The following MBL2 variants were observed in gnomAD, a reference collection of about 807,000 sequenced individuals.
MBL2 encodes mannose binding lectin 2.
MBL2 carries 6 observed loss-of-function variants against 12.7 expected under a neutral mutation model. The observed-to-expected ratio is 0.47, with a 90% CI of 0.26 to 0.94. MBL2 has a LOEUF of 0.94. Ranked by LOEUF, MBL2 falls within the 40% of genes least tolerant of loss-of-function variation. The pLI, the probability that MBL2 is intolerant of heterozygous loss-of-function variation, is 0.15. For synonymous variants in MBL2, 114 were observed against 112.0 expected, an observed-to-expected ratio of 1.02 and a Z score of -0.11; for missense variants, 307 against 295.2, an observed-to-expected ratio of 1.04 and a Z score of -0.29.
rs1310731847 is a variant in MBL2 at position 52,767,357 on chromosome 10, T to C, written c.*780A>G. On this transcript the variant is annotated 3_prime_UTR_variant, in exon 5 of 5. Transcript: ENST00000674931. ...CATGACATGAATGAATCTCACAGAC[T>C]TAATTCTGAGTAAACAAGACATACA... is the stretch of plus-strand genomic sequence containing the variant. The C allele has an allele frequency of 6.6e-6, 1 of 152,054 alleles. No individual in the cohort carries two copies. The highest frequency in any genetic ancestry group is 1.5e-5 in the Non-Finnish European group (1 of 68,036). The allele number at this position is 152,054 out of a possible 1,614,324, so 9.4% of individuals were successfully genotyped here.
At chr10:52,771,949 C>T (rs35236971) in intron 1 of MBL2, among the ~76,000 whole-genome samples, 1,582 of 152,250 alleles carry the variant, frequency 0.01, 27 homozygotes, top group African/African-American at 0.036. Context: ...CAAATGGGAC[C>T]GTGCATTGCC....
chr10:52,770,390 G>A (rs1278410206), intron 3 of MBL2, among the ~76,000 whole-genome samples: 1 of 152,208 alleles, frequency 6.6e-6, no homozygotes, highest in African/African-American at 2.4e-5. Context: ...TAGGACCAGG[G>A]CCTCACATTA....
rs1840291865 is a variant in MBL2 at position 52,765,399 on chromosome 10, T to C, written c.*2738A>G. On this transcript the variant is annotated 3_prime_UTR_variant, in exon 5 of 5. Coordinates refer to ENST00000674931, the MANE Select transcript of MBL2 (RefSeq NM_001378373.1). ...ATAAAATGTGACTAAATGGAGTTTA[T>C]TCCATCAAAGCAAGGTTGATTTAAT... 1 of 152,226 alleles carries C rather than the reference T, an allele frequency of 6.6e-6. No individual in the cohort carries two copies. The highest frequency in any genetic ancestry group is 2.4e-5 in the African/African-American group (1 of 41,472). 9.4% of individuals were successfully genotyped at this position (152,226 alleles called of 1,614,324 possible).
rs371198386 is a variant in MBL2 at position 52,769,230 on chromosome 10, T to C, written c.373+17A>G. 3.2e-6 allele frequency: 5 copies of C among 1,580,402 alleles called. No homozygotes were observed. In the African/African-American group the frequency reaches 6.9e-5, roughly 22 times the overall value. ...CCCAAACTTCAAGCTGCCTGGAGAGTAAGAGAAAAAGCTTACACTTTTTGA... is the reference window on the plus strand; with the variant it reads ...CCCAAACTTCAAGCTGCCTGGAGAGCAAGAGAAAAAGCTTACACTTTTTGA... On this transcript the variant is annotated intron_variant, in intron 4 of 4. Transcript: ENST00000674931.
intron 4 of MBL2, 60 bp downstream of exon 4, chr10:52,769,187 T>C: frequency 8.8e-7 from 1 of 1,140,398 alleles, no homozygotes; most frequent in Non-Finnish European, 1.3e-6. Flanking sequence ...CAACAAATAT[T>C]TGTTGCATTC....
At position 52,766,006 on chromosome 10, in the gene MBL2, T is replaced by C. The variant is rs907035410; in HGVS notation, c.*2131A>G. On this transcript the variant is annotated 3_prime_UTR_variant, in exon 5 of 5. Transcript: ENST00000674931. ...AGAAAAAATATTTAAAATATATTATTAAAATCACTAAAACCACCAAAACAA... is the reference window on the plus strand; with the variant it reads ...AGAAAAAATATTTAAAATATATTATCAAAATCACTAAAACCACCAAAACAA... 5 of 152,120 alleles carry C rather than the reference T, an allele frequency of 3.3e-5. No individual in the cohort carries two copies. The highest frequency in any genetic ancestry group is 7.4e-5 in the Non-Finnish European group (5 of 68,008). 9.4% of individuals were successfully genotyped at this position (152,120 alleles called of 1,614,324 possible). A position where few individuals can be genotyped will look rare whatever the true frequency, so the allele number is the denominator to read the frequency against.
Position 52,770,801 on chromosome 10 carries a change from A to T in MBL2, c.188-15T>A. On this transcript the variant is annotated splice_polypyrimidine_tract_variant and intron_variant, in intron 2 of 4. Coordinates refer to ENST00000674931, the MANE Select transcript of MBL2 (RefSeq NM_001378373.1). The stretch of plus-strand genomic sequence containing the variant: ...GAGCCCTTGGCCTGTTGGAAGACAA[A>T]GGAAATGTGACTTAATATCTATGTT... The T allele has an allele frequency of 7.5e-7, 1 of 1,333,666 alleles. No individual in the cohort carries two copies. The highest frequency in any genetic ancestry group is 1.0e-6 in the Non-Finnish European group (1 of 1,001,214). The allele number at this position is 1,333,666 out of a possible 1,614,324, so 82.6% of individuals were successfully genotyped here.
Position 52,771,556 on chromosome 10 carries a change from TC to T in MBL2, c.79del (p.Asp27MetfsTer9). 6.2e-7 allele frequency: 1 copy of T among 1,613,948 alleles called. No homozygotes were observed. The highest frequency in any genetic ancestry group is 8.5e-7 in the Non-Finnish European group (1 of 1,179,900). ...ASYSETVTCEDAQKTCPAVIA... is the reference protein window; with the variant it reads ...ASYSETVTCEXAQKTCPAVIA... ...CACTGCAGGGCAGGTCTTTTGGGCATCCTCACAGGTCACAGTTTCTGAGTAA... is the reference window on the plus strand; with the variant it reads ...CACTGCAGGGCAGGTCTTTTGGGCATCTCACAGGTCACAGTTTCTGAGTAA... On this transcript the variant is annotated frameshift_variant, in exon 2 of 5. Coordinates refer to ENST00000674931, the MANE Select transcript of MBL2 (RefSeq NM_001378373.1). LOFTEE classifies it high-confidence loss of function.
In MBL2 at chr10:52,772,673, G is replaced by A. The variant is rs1285611435; in HGVS notation, c.-10+64C>T. On this transcript the variant is annotated intron_variant, in intron 1 of 4. Transcript: ENST00000674931. Reference sequence around the variant, plus strand: ...TAGAAAGCCTCCTCCATGCCTCCAGGGTCATGTCAGCTCCCCAAACCCTTG... The same window carrying A: ...TAGAAAGCCTCCTCCATGCCTCCAGAGTCATGTCAGCTCCCCAAACCCTTG... The A allele has an allele frequency of 3.4e-5, 32 of 953,878 alleles. No individual in the cohort carries two copies. The South Asian group carries it at 1.4e-3, about 42-fold the overall frequency. The allele number at this position is 953,878 out of a possible 1,614,324, so 59.1% of individuals were successfully genotyped here. A position where few individuals can be genotyped will look rare whatever the true frequency, so the allele number is the denominator to read the frequency against.
In MBL2 at chr10:52,768,487, G is replaced by C. The variant is rs201337696; in HGVS notation, c.397C>G (p.Gln133Glu). Residue 133 changes from glutamine (Q) to glutamate (E), a missense_variant, in exon 5 of 5, where the codon CAA becomes GAA. Coordinates refer to ENST00000674931, the MANE Select transcript of MBL2 (RefSeq NM_001378373.1). ...KKWLTFSLGK[Q>E]VGNKFFLTNG... ...GTCAGGAAGAACTTGTTCCCAACTT[G>C]TTTGCCCAGAGAGAAGGTGAGCCCT... The C allele has an allele frequency of 1.1e-5, 17 of 1,581,066 alleles. No individual in the cohort carries two copies. The African/African-American group carries it at 2.0e-4, about 19-fold the overall frequency.
chr10:52,767,991 G>A lies in MBL2; in HGVS notation c.*146C>T, dbSNP rs1840331091. 2 of 902,290 alleles carry A rather than the reference G, an allele frequency of 2.2e-6. 1 individual carries two copies. Among genetic ancestry groups the A allele is most frequent in the African/African-American group, 3.4e-5 (2 of 59,414 alleles). 55.9% of individuals were successfully genotyped at this position (902,290 alleles called of 1,614,324 possible). On this transcript the variant is annotated 3_prime_UTR_variant, in exon 5 of 5. Transcript: ENST00000674931. ...CTACTACTACTATTATTGCTTTGTT[G>A]GTGCTGTTAGTGATCATTTTTAGTG... is the stretch of plus-strand genomic sequence containing the variant.
chr10:52,769,348 T>C (rs1205586277), intron 3 of MBL2, 33 bp from the exon 4 acceptor site: 1 of 1,409,540 alleles, frequency 7.1e-7, no homozygotes, highest in Admixed American at 1.7e-5. Flanking sequence ...AGAAGCATTG[T>C]TGAGAAGGAG....
Position 52,768,426 on chromosome 10 carries a change from G to A in MBL2, c.458C>T (p.Ala153Val), listed in dbSNP as rs761434679. The change falls in exon 5 of 5, where the codon GCC becomes GTC. Residue 153 changes from alanine (A) to valine (V), a missense_variant. Physicochemically the swap from Ala to Val is moderately conservative, Grantham distance 64 (BLOSUM62 0). Coordinates refer to ENST00000674931, the MANE Select transcript of MBL2 (RefSeq NM_001378373.1). ...AGAGGCCTGGAACTTGACACACAAG[G>A]CCTTCACTTTTTCAAAGGTCATTAT... ...GEIMTFEKVK[A>V]LCVKFQASVA... 27 of 1,612,022 alleles carry A rather than the reference G, an allele frequency of 1.7e-5. No individual in the cohort carries two copies. The highest frequency in any genetic ancestry group is 2.3e-5 in the Non-Finnish European group (27 of 1,179,520).
chr10:52,769,957 T>C (rs900019774), intron 3 of MBL2, among the ~76,000 whole-genome samples: 1 of 152,222 alleles, frequency 6.6e-6, no homozygotes. Flanking sequence ...TTGTGACTTG[T>C]TTTGACCAAT....
At position 52,766,837 on chromosome 10, in the gene MBL2, C is replaced by CA. The variant is rs1840311864; in HGVS notation, c.*1299dup. 1 of 150,660 alleles carries CA rather than the reference C, an allele frequency of 6.6e-6. No homozygotes were observed. Among genetic ancestry groups the CA allele is most frequent in the Non-Finnish European group, 1.5e-5 (1 of 67,938 alleles). 9.3% of individuals were successfully genotyped at this position (150,660 alleles called of 1,614,324 possible). On this transcript the variant is annotated 3_prime_UTR_variant, in exon 5 of 5. Transcript: ENST00000674931. ...TTGGCTAACTAATTTAAACAAAATACAAAAATGTGAACGGGTACTTCACAA... is the reference window on the plus strand; with the variant it reads ...TTGGCTAACTAATTTAAACAAAATACAAAAAATGTGAACGGGTACTTCACAA...
chr10:52,771,989 T>G (rs572144222), intron 1 of MBL2, among the ~76,000 whole-genome samples: 1 of 151,672 alleles, frequency 6.6e-6, no homozygotes, highest in Non-Finnish European at 1.5e-5. Context: ...GCTTAGGGAA[T>G]GAGAATGAGT....
Position 52,768,389 on chromosome 10 carries a change from G to A in MBL2, c.495C>T (p.Pro165=). ...TGGCTCCATTCTCTGCAGCATTCCT[G>A]GGGGTGGCCACAGAGGCCTGGAACT... is the stretch of plus-strand genomic sequence containing the variant. The part of the protein sequence containing the change: ...CVKFQASVAT[P]RNAAENGAIQ... Residue 165 remains proline (P), a synonymous_variant, in exon 5 of 5, where the codon CCC becomes CCT. Coordinates refer to ENST00000674931, the MANE Select transcript of MBL2 (RefSeq NM_001378373.1). 1 of 1,613,710 alleles carries A rather than the reference G, an allele frequency of 6.2e-7. No individual in the cohort carries two copies. Among genetic ancestry groups the A allele is most frequent in the Non-Finnish European group, 8.5e-7 (1 of 1,179,942 alleles).
At chr10:52,770,811 A>T (rs1840379452) in intron 2 of MBL2, 25 bp from the exon 3 acceptor site, 1 of 1,247,096 alleles carries the variant, frequency 8.0e-7, no homozygotes, top group South Asian at 2.0e-5. Flanking sequence ...AGGAAATGTG[A>T]CTTAATATCT....
At chr10:52,772,190 A>G (rs887054664) in intron 1 of MBL2, among the ~76,000 whole-genome samples, 1 of 152,128 alleles carries the variant, frequency 6.6e-6, no homozygotes, top group Non-Finnish European at 1.5e-5. Context: ...CCTCAGATCA[A>G]CCTCAACCTT....
Sources: allele counts gnomAD v4.1 joint callset (sites outside exome capture counted in the v4.1 genomes callset), GRCh38; gene constraint gnomAD v4.1.1; transcripts MANE v1.5; gene names NCBI Gene and HGNC (gene_info 2026-07-23, HGNC 2026-07-21).